Variants in WAC observed in about 807,000 individuals in gnomAD.
WAC encodes WW domain containing adaptor with coiled-coil, also known as WW domain-containing adapter protein with coiled-coil.
In WAC, 11 loss-of-function variants were observed where a neutral mutation model predicts 79.6. The observed-to-expected ratio is 0.14, with a 90% CI of 0.09 to 0.23. WAC has a LOEUF of 0.23. Among genes scored for constraint, WAC ranks in the 10% least tolerant of loss-of-function variants. The pLI, the probability that WAC is intolerant of heterozygous loss-of-function variation, is 1.00. For missense variants in WAC, 728 were observed against 773.5 expected, an observed-to-expected ratio of 0.94 and a Z score of 0.70; for synonymous variants, 304 against 276.9, an observed-to-expected ratio of 1.10 and a Z score of -0.97.
At chr10:28,594,431 A>G (rs146435823) in intron 6 of WAC, among the ~76,000 whole-genome samples, 10 of 152,346 alleles carry the variant, frequency 6.6e-5, no homozygotes, top group Non-Finnish European at 1.5e-4. Context: ...TTGATAGCTT[A>G]CTTATATATT....
At chr10:28,606,198 A>G (rs1840940750) in intron 7 of WAC, among the ~76,000 whole-genome samples, 1 of 152,096 alleles carries the variant, frequency 6.6e-6, no homozygotes, top group South Asian at 2.1e-4. Context: ...CCACAGGCGC[A>G]AGCCACCACA....
chr10:28,601,986 A>G (rs958944948), intron 7 of WAC, among the ~76,000 whole-genome samples: 2 of 152,206 alleles, frequency 1.3e-5, no homozygotes, highest in Non-Finnish European at 2.9e-5. Flanking sequence ...AGAAATGTGG[A>G]TGTACTTAAA....
At position 28,583,385 on chromosome 10, in the gene WAC, T is replaced by C; in HGVS notation, c.275-14T>C. Reference sequence around the variant, plus strand: ...AGTTTACTTGTAATTCACTTTGTTCTTTATTTTTTTAAGGGACCAGTTACT... The same window carrying C: ...AGTTTACTTGTAATTCACTTTGTTCCTTATTTTTTTAAGGGACCAGTTACT... On this transcript the variant is annotated splice_polypyrimidine_tract_variant and intron_variant, in intron 3 of 13. Coordinates refer to ENST00000354911, the MANE Select transcript of WAC (RefSeq NM_016628.5). 1 of 1,558,696 alleles carries C rather than the reference T, an allele frequency of 6.4e-7. No homozygotes were observed. Among genetic ancestry groups the C allele is most frequent in the Non-Finnish European group, 8.7e-7 (1 of 1,153,862 alleles).
At chr10:28,562,625 TAAGA>T (rs1838363419) in intron 3 of WAC, among the ~76,000 whole-genome samples, 1 of 152,196 alleles carries the variant, frequency 6.6e-6, no homozygotes, top group South Asian at 2.1e-4. Flanking sequence ...TTTTATGAGA[TAAGA>T]AAGGTAGTAA....
chr10:28,616,340 C>T lies in WAC; in HGVS notation c.1724C>T (p.Pro575Leu), dbSNP rs779424769. 1 of 1,611,010 alleles carries T rather than the reference C, an allele frequency of 6.2e-7. No homozygotes were observed. The highest frequency in any genetic ancestry group is 2.2e-5 in the East Asian group (1 of 44,782). Residue 575 changes from proline (P) to leucine (L), a missense_variant, in exon 12 of 14, where the codon CCT becomes CTT. By Grantham distance (98) the Pro-to-Leu change is moderately conservative. Transcript: ENST00000354911. ...CTCATAAAACACGTTCAAGGATGGC[C>T]TGCAGATCATGCAGAGAAGCAGGTA... The part of the protein sequence containing the change: ...ENLIKHVQGW[P>L]ADHAEKQASR...
intron 3 of WAC, among the ~76,000 whole-genome samples, chr10:28,549,239 CT>C (rs1837533617): frequency 6.6e-6 from 1 of 152,164 alleles, no homozygotes; most frequent in Admixed American, 6.5e-5. Context: ...CCTTTCTGTG[CT>C]GCTGTTTTAA....
intron 3 of WAC, among the ~76,000 whole-genome samples, chr10:28,545,809 A>G (rs1309205486): frequency 1.3e-5 from 2 of 152,244 alleles, no homozygotes; most frequent in Non-Finnish European, 2.9e-5. Context: ...CCAGTGAGAT[A>G]CATTGGGTAG....
intron 3 of WAC, among the ~76,000 whole-genome samples, chr10:28,540,980 CATA>C (rs1344929798): frequency 7.2e-5 from 11 of 152,032 alleles, no homozygotes; most frequent in Non-Finnish European, 1.2e-4. Context: ...TTACGCTTCT[CATA>C]ATCACATTTT....
rs143963061 is a variant in WAC at position 28,560,431 on chromosome 10, TGAG to T, written c.275-22965_275-22963del. ...CATTAGCTGGAATTGCTTATTGAGA[TGAG>T]GAAGACTATAGAGCAAAATGTTTGT... On this transcript the variant is annotated intron_variant, in intron 3 of 13. Coordinates refer to ENST00000354911, the MANE Select transcript of WAC (RefSeq NM_016628.5). Among the ~76,000 whole-genome samples, 1,130 of 152,248 alleles carry T rather than the reference TGAG, an allele frequency of 7.4e-3. 13 individuals are homozygous for T. The highest frequency in any genetic ancestry group is 0.026 in the African/African-American group (1,085 of 41,532).
chr10:28,538,116 A>T (rs1564370455), intron 3 of WAC: 3 of 157,508 alleles, frequency 1.9e-5, no homozygotes. Flanking sequence ...TTCTCTCTTC[A>T]AAAAACGTAA....
At chr10:28,562,955 A>AAGAGGAAGGAAG (rs1838378877) in intron 3 of WAC, among the ~76,000 whole-genome samples, 1 of 152,216 alleles carries the variant, frequency 6.6e-6, no homozygotes, top group African/African-American at 2.4e-5. Context: ...TGTAACAATT[A>AAGAGGAAGGAAG]CTAGTGTGCA....
intron 7 of WAC, among the ~76,000 whole-genome samples, chr10:28,596,494 A>G (rs1003222071): frequency 1.3e-5 from 2 of 152,208 alleles, no homozygotes; most frequent in Non-Finnish European, 2.9e-5. Context: ...GTGGGCCATA[A>G]GATAAGGCGT....
Position 28,533,508 on chromosome 10 carries a change from C to T in WAC, c.-72C>T. On this transcript the variant is annotated 5_prime_UTR_variant, in exon 1 of 14. Coordinates refer to ENST00000354911, the MANE Select transcript of WAC (RefSeq NM_016628.5). ...GCTGCCCGCCGCCCGCCGCCGCCGC[C>T]GCCTGCGCGCCCGCCCGCCTTTCGC... 11 of 1,079,996 alleles carry T rather than the reference C, an allele frequency of 1.0e-5. No individual in the cohort carries two copies. The highest frequency in any genetic ancestry group is 8.1e-6 in the Non-Finnish European group (7 of 862,436). The allele number at this position is 1,079,996 out of a possible 1,614,324, so 66.9% of individuals were successfully genotyped here.
chr10:28,611,298 T>TAGG (rs1564418828), intron 9 of WAC: 17 of 1,292,552 alleles, frequency 1.3e-5, no homozygotes, highest in Non-Finnish European at 6.1e-6. Context: ...GAGATACACA[T>TAGG]AGGAGCAAAT....
chr10:28,604,950 T>C (rs1423275599), intron 7 of WAC, among the ~76,000 whole-genome samples: 2 of 152,242 alleles, frequency 1.3e-5, no homozygotes, highest in Non-Finnish European at 2.9e-5. Context: ...AATAGCATTT[T>C]ATGTTTGTAT....
chr10:28,542,281 G>A (rs748346287), intron 3 of WAC, among the ~76,000 whole-genome samples: 4 of 152,058 alleles, frequency 2.6e-5, no homozygotes, highest in African/African-American at 9.7e-5. Context: ...TTGCCCCTGC[G>A]TGTTCCTTCC....
intron 3 of WAC, among the ~76,000 whole-genome samples, chr10:28,583,067 A>G (rs1010287330): frequency 6.6e-6 from 1 of 152,072 alleles, no homozygotes; most frequent in Non-Finnish European, 1.5e-5. Context: ...TGCACATTGT[A>G]CTTCTATTTT....
At chr10:28,592,899 T>C (rs1840170006) in intron 6 of WAC, among the ~76,000 whole-genome samples, 1 of 152,228 alleles carries the variant, frequency 6.6e-6, no homozygotes, top group Admixed American at 6.5e-5. Context: ...AATATGTTTT[T>C]ATGTCTGTTT....
At chr10:28,583,535 T>C (rs1221478773) in intron 4 of WAC, 30 bp downstream of exon 4, 1 of 1,391,784 alleles carries the variant, frequency 7.2e-7, no homozygotes, top group African/African-American at 1.7e-5. Flanking sequence ...CCAATATGGT[T>C]TCTTTGGAAT....
Sources: gnomAD v4.1 joint callset for allele counts (sites outside exome capture counted in the v4.1 genomes callset) on GRCh38, gnomAD v4.1.1 for gene constraint, MANE v1.5 for transcripts, NCBI Gene and HGNC (gene_info 2026-07-23, HGNC 2026-07-21) for gene names.